NR2E1: variants seen among roughly 807,000 people sequenced by gnomAD.
NR2E1 encodes nuclear receptor subfamily 2 group E member 1.
Under a neutral mutation model 43.6 loss-of-function variants are expected in NR2E1, and 5 were observed. The observed-to-expected ratio is 0.11, with a 90% CI of 0.06 to 0.24. The LOEUF (loss-of-function observed/expected upper bound fraction) is 0.24. NR2E1 is among the 10% of genes least tolerant of loss of function. The pLI is 1.00. For synonymous variants in NR2E1, 191 were observed against 195.5 expected, an observed-to-expected ratio of 0.98 and a Z score of 0.19; for missense variants, 287 against 496.7, an observed-to-expected ratio of 0.58 and a Z score of 4.01.
At chr6:108,176,365 T>C in intron 3 of NR2E1, 138 bp from the exon 4 acceptor site, 1 of 710,324 alleles carries the variant, frequency 1.4e-6, no homozygotes, top group Non-Finnish European at 2.4e-6. Flanking sequence ...TCAGATTCCC[T>C]CTCCCTTCTT....
At chr6:108,176,419 G>T in intron 3 of NR2E1, 84 bp from the exon 4 acceptor site, 1 of 1,389,186 alleles carries the variant, frequency 7.2e-7, no homozygotes, top group Non-Finnish European at 1.0e-6. Context: ...ACTTGACATT[G>T]GGGCGGGGCT....
chr6:108,171,216 G>T (rs947126397), intron 1 of NR2E1, among the ~76,000 whole-genome samples: 3 of 152,218 alleles, frequency 2.0e-5, no homozygotes, highest in African/African-American at 7.2e-5. Context: ...GATTAGAAGA[G>T]AACCAAATAC....
At chr6:108,175,345 C>T (rs1037306874) in intron 3 of NR2E1, among the ~76,000 whole-genome samples, 4 of 152,180 alleles carry the variant, frequency 2.6e-5, no homozygotes, top group African/African-American at 9.7e-5. Flanking sequence ...TGGAAGTTCG[C>T]GGTGTGTTGA....
chr6:108,178,136 AGTGGCCACG>A lies in NR2E1; in HGVS notation c.539_547del (p.Val180_Thr182del). The A allele has an allele frequency of 6.2e-7, 1 of 1,614,104 alleles. No individual in the cohort carries two copies. The highest frequency in any genetic ancestry group is 8.5e-7 in the Non-Finnish European group (1 of 1,180,004). ...ATGGGACCCCAATGTATCTCTATGAAGTGGCCACGGAGTCGGTGTGTGAATCAGCTGCCA... is the reference window on the plus strand; with the variant it reads ...ATGGGACCCCAATGTATCTCTATGAAGAGTCGGTGTGTGAATCAGCTGCCA... On this transcript the variant is annotated inframe_deletion, in exon 5 of 9. Coordinates refer to ENST00000368986, the MANE Select transcript of NR2E1 (RefSeq NM_003269.5).
At chr6:108,171,426 T>TC in intron 1 of NR2E1, 32 bp from the exon 2 acceptor site, 1 of 1,612,676 alleles carries the variant, frequency 6.2e-7, no homozygotes, top group Non-Finnish European at 8.5e-7. Context: ...TCTCGCCCCT[T>TC]CCCCCCTTCC....
rs127501 is a variant in NR2E1 at position 108,166,673 on chromosome 6, A to G, written c.-93A>G. Reference sequence around the variant, plus strand: ...CCAGGAGCCTTGCAGGCTGGAGGGCAGCTGGAGAGCGGCGGCGCCCGGCGG... The same window carrying G: ...CCAGGAGCCTTGCAGGCTGGAGGGCGGCTGGAGAGCGGCGGCGCCCGGCGG... On this transcript the variant is annotated 5_prime_UTR_variant, in exon 1 of 9. Transcript: ENST00000368986. The surrounding 1 kb of genome is among the most constrained non-coding windows in gnomAD (Gnocchi z 7.2). The G allele has an allele frequency of 0.64, 687,177 of 1,071,218 alleles. 225,969 individuals are homozygous for G. Among genetic ancestry groups the G allele is most frequent in the African/African-American group, 0.92 (54,508 of 59,310 alleles). 66.4% of individuals were successfully genotyped at this position (1,071,218 alleles called of 1,614,324 possible). A position where few individuals can be genotyped will look rare whatever the true frequency, so the allele number is the denominator to read the frequency against.
In NR2E1 at chr6:108,169,991, A is replaced by T. The variant is rs897625727; in HGVS notation, c.26-1467A>T. On this transcript the variant is annotated intron_variant, in intron 1 of 8. Coordinates refer to ENST00000368986, the MANE Select transcript of NR2E1 (RefSeq NM_003269.5). This position sits in a 1 kb window ranked among gnomAD's most constrained non-coding sequence, Gnocchi z 6.1. The stretch of plus-strand genomic sequence containing the variant: ...CGGTCCCCCGCGCTCTCCTTCCCCC[A>T]CCCCCTCCACCTGAGACGAGTCTGG... Among the ~76,000 whole-genome samples, 1 of 32,742 alleles carries T rather than the reference A, an allele frequency of 3.1e-5. No individual in the cohort carries two copies. The highest frequency in any genetic ancestry group is 6.3e-5 in the Non-Finnish European group (1 of 15,948). 21.5% of individuals were successfully genotyped at this position (32,742 alleles called of 152,430 possible).
chr6:108,187,026 TTTC>T (rs1774087265), intron 8 of NR2E1, among the ~76,000 whole-genome samples: 1 of 152,182 alleles, frequency 6.6e-6, no homozygotes, highest in Non-Finnish European at 1.5e-5. Context: ...GCTTCTTAAA[TTTC>T]TTTTTTTTTC....
At chr6:108,172,378 G>C (rs1015062303) in intron 2 of NR2E1, among the ~76,000 whole-genome samples, 3 of 152,214 alleles carry the variant, frequency 2.0e-5, no homozygotes, top group African/African-American at 7.2e-5. Flanking sequence ...TTTTGGTCTT[G>C]AGTAGGCAGA....
intron 8 of NR2E1, among the ~76,000 whole-genome samples, chr6:108,182,756 AC>A (rs1774013931): frequency 6.6e-6 from 1 of 151,884 alleles, no homozygotes; most frequent in Non-Finnish European, 1.5e-5. Flanking sequence ...ACGGGGTTTC[AC>A]CGTGTTGGCC....
At chr6:108,187,180 T>C in intron 8 of NR2E1, 121 bp from the exon 9 acceptor site, 1 of 1,164,530 alleles carries the variant, frequency 8.6e-7, no homozygotes. Context: ...GCTGCAGGGA[T>C]ACTGTGTTAT....
At chr6:108,183,995 C>A (rs543727545) in intron 8 of NR2E1, among the ~76,000 whole-genome samples, 2 of 152,100 alleles carry the variant, frequency 1.3e-5, no homozygotes, top group African/African-American at 4.8e-5. Context: ...GAGTTCAACA[C>A]CAGCCTGGCC....
intron 1 of NR2E1, chr6:108,168,162 G>C: frequency 6.3e-7 from 1 of 1,580,110 alleles, no homozygotes; most frequent in East Asian, 2.3e-5. Flanking sequence ...ATCTCCAGGA[G>C]GTAAAGCGAC....
intron 7 of NR2E1, among the ~76,000 whole-genome samples, chr6:108,181,176 T>A (rs1773979451): frequency 6.6e-6 from 1 of 152,136 alleles, no homozygotes; most frequent in Admixed American, 6.6e-5. Flanking sequence ...AATTTCTTTT[T>A]TTCTTTCTTT....
At chr6:108,184,784 T>G (rs1199816681) in intron 8 of NR2E1, among the ~76,000 whole-genome samples, 1 of 151,786 alleles carries the variant, frequency 6.6e-6, no homozygotes, top group Non-Finnish European at 1.5e-5. Context: ...GTAAAGTACA[T>G]CTCCCCAACA....
At position 108,187,467 on chromosome 6, in the gene NR2E1, C is replaced by T; in HGVS notation, c.*4C>T. 1.9e-6 allele frequency: 3 copies of T among 1,613,916 alleles called. No individual in the cohort carries two copies. Among genetic ancestry groups the T allele is most frequent in the East Asian group, 2.2e-5 (1 of 44,900 alleles). The stretch of plus-strand genomic sequence containing the variant: ...GTACAAATCCAGTGATATCTAAGCT[C>T]ACAAGATACCCACTTTTCAGGATGG... On this transcript the variant is annotated 3_prime_UTR_variant, in exon 9 of 9. Transcript: ENST00000368986.
In NR2E1 at chr6:108,179,492, C is replaced by CTGTGTGTGTG. The variant is rs34907033; in HGVS notation, c.643-799_643-790dup. Among the ~76,000 whole-genome samples, 1,102 of 131,372 alleles carry CTGTGTGTGTG rather than the reference C, an allele frequency of 8.4e-3. 25 individuals are homozygous for CTGTGTGTGTG. Among genetic ancestry groups the CTGTGTGTGTG allele is most frequent in the African/African-American group, 0.025 (852 of 34,330 alleles). 86.2% of individuals were successfully genotyped at this position (131,372 alleles called of 152,430 possible). ...TTTACTGGTTAGCTCTAACCACTTC[C>CTGTGTGTGTG]TGTGTGTGTGTGTGTGTGTGTGTGT... On this transcript the variant is annotated intron_variant, in intron 5 of 8. Coordinates refer to ENST00000368986, the MANE Select transcript of NR2E1 (RefSeq NM_003269.5).
intron 2 of NR2E1, among the ~76,000 whole-genome samples, chr6:108,174,539 G>A (rs1228589111): frequency 6.6e-6 from 1 of 152,018 alleles, no homozygotes; most frequent in African/African-American, 2.4e-5. Context: ...AGGCCTGCGG[G>A]GTCTGCCAAA....
chr6:108,188,552 C>CACACACACA lies in NR2E1; in HGVS notation c.*1089_*1090insACACACACA, dbSNP rs1774114253. The CACACACACA allele has an allele frequency of 6.7e-6, 1 of 150,032 alleles. No individual in the cohort carries two copies. Among genetic ancestry groups the CACACACACA allele is most frequent in the African/African-American group, 2.5e-5 (1 of 40,558 alleles). 9.3% of individuals were successfully genotyped at this position (150,032 alleles called of 1,614,324 possible). On this transcript the variant is annotated 3_prime_UTR_variant, in exon 9 of 9. Transcript: ENST00000368986. ...ACACACACACACACACACACACACACCGTCCTACACTTTAAGCTGCTCCTT... is the reference window on the plus strand; with the variant it reads ...ACACACACACACACACACACACACACACACACACACGTCCTACACTTTAAGCTGCTCCTT...
Sources: allele counts gnomAD v4.1 joint callset (sites outside exome capture counted in the v4.1 genomes callset), GRCh38; gene constraint gnomAD v4.1.1; non-coding constraint Gnocchi (gnomAD v3.1); transcripts MANE v1.5; gene names NCBI Gene and HGNC (gene_info 2026-07-23, HGNC 2026-07-21).